ABCB4: variants seen among roughly 807,000 people sequenced by gnomAD.
ABCB4 encodes phosphatidylcholine translocator ABCB4.
A neutral mutation model predicts 145.7 loss-of-function variants in ABCB4; 76 were observed. The observed-to-expected ratio is 0.52, with a 90% CI of 0.43 to 0.63. The LOEUF (loss-of-function observed/expected upper bound fraction) is 0.63, where lower values mean the gene tolerates loss of function less well. ABCB4 is among the 30% of genes least tolerant of loss of function. The pLI is 0.00. For missense variants in ABCB4, 1,234 were observed against 1,553.1 expected (o/e 0.79, Z 3.45); for synonymous variants, 517 against 566.8 (o/e 0.91, Z 1.25).
At chr7:87,453,797 T>C (rs1387442454) in intron 5 of ABCB4, among the ~76,000 whole-genome samples, 3 of 152,304 alleles carry the variant, frequency 2.0e-5, no homozygotes, top group Non-Finnish European at 2.9e-5. Context: ...CTTATTGTAC[T>C]GAAAAGTTCA....
chr7:87,408,495 T>C (rs1808378958), intron 24 of ABCB4, among the ~76,000 whole-genome samples: 4 of 152,206 alleles, frequency 2.6e-5, no homozygotes, highest in African/African-American at 4.8e-5. Flanking sequence ...CTTTAAGATA[T>C]TCATTTAGCT....
At position 87,462,758 on chromosome 7, in the gene ABCB4, C is replaced by T; in HGVS notation, c.286G>A (p.Val96Met). 1.2e-6 allele frequency: 2 copies of T among 1,613,682 alleles called. No homozygotes were observed. Among genetic ancestry groups the T allele is most frequent in the Non-Finnish European group, 1.7e-6 (2 of 1,179,800 alleles). Residue 96 changes from valine to methionine, a missense_variant and splice_region_variant, in exon 4 of 28, where the codon GTG (valine) becomes ATG (methionine). Coordinates refer to ENST00000649586, the MANE Select transcript of ABCB4 (RefSeq NM_000443.4). ...TTTTAAAAGGTAAAGAAATGCTTACCTGGAAAGGAGAAGTTTCCTGCAGTA... is the reference window on the plus strand; with the variant it reads ...TTTTAAAAGGTAAAGAAATGCTTACTTGGAAAGGAGAAGTTTCCTGCAGTA... ...VDTAGNFSFP[V>M]NFSLSLLNPG...
chr7:87,427,686 C>T (rs1002829207), intron 15 of ABCB4, among the ~76,000 whole-genome samples: 1 of 152,188 alleles, frequency 6.6e-6, no homozygotes, highest in African/African-American at 2.4e-5. Flanking sequence ...CTCCTCCCTT[C>T]AAGACCTGCC....
intron 9 of ABCB4, 102 bp downstream of exon 9, chr7:87,446,932 A>C: frequency 2.7e-6 from 3 of 1,119,874 alleles, no homozygotes; most frequent in Non-Finnish European, 3.9e-6. Flanking sequence ...AAAACCTATA[A>C]TCATGTTCAT....
intron 12 of ABCB4, 102 bp from the exon 13 acceptor site, chr7:87,440,504 A>G: frequency 2.0e-6 from 2 of 982,666 alleles, no homozygotes; most frequent in Admixed American, 4.8e-5. Flanking sequence ...AACTTGGTTC[A>G]GTGTTTAGAA....
At chr7:87,372,999 T>C in the ABCB4 span, among the ~76,000 whole-genome samples, 1 of 152,090 alleles carries the variant, frequency 6.6e-6, no homozygotes, top group African/African-American at 2.4e-5. Flanking sequence ...ATTTTAGGGG[T>C]AGAATTGCCA....
Position 87,423,597 on chromosome 7 carries a change from A to G in ABCB4, c.2211+309T>C, listed in dbSNP as rs928385917. 6 of 395,660 alleles carry G rather than the reference A, an allele frequency of 1.5e-5. No homozygotes were observed. In the East Asian group the frequency reaches 2.4e-4, roughly 16 times the overall value. The allele number at this position is 395,660 out of a possible 1,614,324, so 24.5% of individuals were successfully genotyped here. Reference sequence around the variant, plus strand: ...CTCTCCACCTCACTGTGCGACTTGTACCAGCTTTTCTACACAAACAGATTG... The same window carrying G: ...CTCTCCACCTCACTGTGCGACTTGTGCCAGCTTTTCTACACAAACAGATTG... On this transcript the variant is annotated intron_variant, in intron 17 of 27. Coordinates refer to ENST00000649586, the MANE Select transcript of ABCB4 (RefSeq NM_000443.4).
chr7:87,454,587 A>G lies in ABCB4; in HGVS notation c.292T>C (p.Phe98Leu). The G allele has an allele frequency of 6.2e-7, 1 of 1,608,738 alleles. No homozygotes were observed. The highest frequency in any genetic ancestry group is 8.5e-7 in the Non-Finnish European group (1 of 1,176,570). The change falls in exon 5 of 28, where the codon TTT (phenylalanine) becomes CTT (leucine). Residue 98 changes from phenylalanine to leucine, a missense_variant. By Grantham distance (22) the Phe-to-Leu change is conservative (BLOSUM62 0). Coordinates refer to ENST00000649586, the MANE Select transcript of ABCB4 (RefSeq NM_000443.4). ...TAGNFSFPVN[F>L]SLSLLNPGKI... is the part of the protein sequence containing the mutation. ...CCTGGATTTAGCAGCGACAAGGAAAAGTTCACTAAATTAAAAAATAAAATA... is the reference window on the plus strand; with the variant it reads ...CCTGGATTTAGCAGCGACAAGGAAAGGTTCACTAAATTAAAAAATAAAATA...
intron 26 of ABCB4, chr7:87,405,950 T>C (rs1340552865): frequency 2.7e-6 from 1 of 373,924 alleles, no homozygotes; most frequent in African/African-American, 2.1e-5. Context: ...TCCTTACAAT[T>C]ACATGTAAAT....
the ABCB4 span, among the ~76,000 whole-genome samples, chr7:87,371,374 C>T: frequency 1.3e-5 from 2 of 152,126 alleles, no homozygotes; most frequent in Non-Finnish European, 2.9e-5. Flanking sequence ...CTACCTTATT[C>T]TTTTAAACTA....
At chr7:87,371,598 A>G in the ABCB4 span, among the ~76,000 whole-genome samples, 2 of 152,236 alleles carry the variant, frequency 1.3e-5, no homozygotes, top group Admixed American at 6.5e-5. Context: ...TGACTGAGTC[A>G]AATTGTCATC....
At chr7:87,402,649 C>T (rs1021979885) in intron 27 of ABCB4, among the ~76,000 whole-genome samples, 36 of 152,192 alleles carry the variant, frequency 2.4e-4, no homozygotes, top group African/African-American at 8.7e-4. Context: ...GAATGCTTTA[C>T]TTTATAAAAT....
intron 20 of ABCB4, among the ~76,000 whole-genome samples, chr7:87,417,919 C>T (rs1157648762): frequency 6.6e-6 from 1 of 152,100 alleles, no homozygotes; most frequent in Non-Finnish European, 1.5e-5. Context: ...ACAAAGGGTA[C>T]GTGTCCTAAG....
intron 7 of ABCB4, among the ~76,000 whole-genome samples, chr7:87,451,397 A>G (rs1011655187): frequency 3.3e-5 from 5 of 152,134 alleles, no homozygotes; most frequent in Admixed American, 2.0e-4. Context: ...TGGCCTCCCA[A>G]AGTGCTGGGA....
At chr7:87,466,658 G>T (rs1378256788) in intron 3 of ABCB4, among the ~76,000 whole-genome samples, 1 of 152,176 alleles carries the variant, frequency 6.6e-6, no homozygotes, top group Non-Finnish European at 1.5e-5. Context: ...AGAAAGGTCA[G>T]GTTACCCACA....
chr7:87,440,930 C>T (rs943516611), intron 12 of ABCB4, among the ~76,000 whole-genome samples: 3 of 152,032 alleles, frequency 2.0e-5, no homozygotes, highest in Admixed American at 6.6e-5. Context: ...TTAGTAGAGA[C>T]GGTGTTTCAC....
At chr7:87,390,986 G>C in the ABCB4 span, among the ~76,000 whole-genome samples, 186 of 152,264 alleles carry the variant, frequency 1.2e-3, no homozygotes, top group Non-Finnish European at 1.9e-3. Context: ...TTTTTCATGA[G>C]GTTGTAGTCA....
At chr7:87,394,597 A>G in the ABCB4 span, among the ~76,000 whole-genome samples, 1 of 151,926 alleles carries the variant, frequency 6.6e-6, no homozygotes, top group African/African-American at 2.4e-5. Context: ...CTGCAGCTAC[A>G]CTGGCAGGCA....
At chr7:87,391,543 G>C in the ABCB4 span, 2 of 1,556,182 alleles carry the variant, frequency 1.3e-6, no homozygotes, top group South Asian at 1.2e-5. Context: ...AATGATATTA[G>C]AGCATTTTCT....
Sources: allele counts gnomAD v4.1 joint callset (sites outside exome capture counted in the v4.1 genomes callset), GRCh38; gene constraint gnomAD v4.1.1; transcripts MANE v1.5; gene names NCBI Gene and HGNC (gene_info 2026-07-23, HGNC 2026-07-21).